SHROOM1: variants seen among roughly 807,000 people sequenced by gnomAD.
The protein encoded by SHROOM1 is shroom family member 1.
SHROOM1 carries 53 observed loss-of-function variants against 64.2 expected under a neutral mutation model. The observed-to-expected ratio is 0.83, with a 90% CI of 0.66 to 1.04. The LOEUF (loss-of-function observed/expected upper bound fraction) is 1.04, where lower values mean the gene tolerates loss of function less well. Among genes scored for constraint, SHROOM1 ranks in the 50% least tolerant of loss-of-function variants. The pLI, the probability that SHROOM1 is intolerant of heterozygous loss-of-function variation, is 0.00. For missense variants in SHROOM1, 1,179 were observed against 1,163.2 expected (o/e 1.01, Z -0.20); for synonymous variants, 490 against 518.9 (o/e 0.94, Z 0.76).
At position 132,827,509 on chromosome 5, in the gene SHROOM1, G is replaced by C. The variant is rs1040073779; in HGVS notation, c.-402C>G. The C allele has an allele frequency of 6.6e-6, 1 of 152,392 alleles. No homozygotes were observed. The allele number at this position is 152,392 out of a possible 1,614,324, so 9.4% of individuals were successfully genotyped here. On this transcript the variant is annotated 5_prime_UTR_variant, in exon 2 of 10. Transcript: ENST00000378679. ...CACACGCCTGTAGTCCCAGCTACTC[G>C]GGAGGCTGAGGCAGAAGAATCGCTT...
In SHROOM1 at chr5:132,822,628, G is replaced by T. The variant is rs1018905653; in HGVS notation, c.*168C>A. 1.5e-5 allele frequency: 11 copies of T among 723,590 alleles called. No individual in the cohort carries two copies. The highest frequency in any genetic ancestry group is 1.4e-4 in the African/African-American group (8 of 55,300). 44.8% of individuals were successfully genotyped at this position (723,590 alleles called of 1,614,324 possible). ...TCCGCCCGCCTCGGCCTCCCAAAGTGCTGGGATTACAGGCGTGAGCCACCG... is the reference window on the plus strand; with the variant it reads ...TCCGCCCGCCTCGGCCTCCCAAAGTTCTGGGATTACAGGCGTGAGCCACCG... On this transcript the variant is annotated 3_prime_UTR_variant, in exon 10 of 10. Coordinates refer to ENST00000378679, the MANE Select transcript of SHROOM1 (RefSeq NM_001172700.2).
In SHROOM1 at chr5:132,825,755, G is replaced by A; in HGVS notation, c.386C>T (p.Ala129Val). Residue 129 changes from alanine (A) to valine (V), a missense_variant, in exon 4 of 10, where the codon GCC (alanine) becomes GTC (valine). By Grantham distance (64) the Ala-to-Val change is moderately conservative (BLOSUM62 0). Coordinates refer to ENST00000378679, the MANE Select transcript of SHROOM1 (RefSeq NM_001172700.2). This position sits in a 1 kb window ranked among gnomAD's most constrained non-coding sequence, Gnocchi z 5.1. ...CGAGGCCGGCGGGCTGGGCGGCTCGGCAGCCTGCGCCGCGGCCTCCGCCTC... is the reference window on the plus strand; with the variant it reads ...CGAGGCCGGCGGGCTGGGCGGCTCGACAGCCTGCGCCGCGGCCTCCGCCTC... ...AAEAEAAAQAAEPPSPPASRA... is the reference protein window; with the variant it reads ...AAEAEAAAQAVEPPSPPASRA... The A allele has an allele frequency of 8.0e-7, 1 of 1,246,618 alleles. No homozygotes were observed. The highest frequency in any genetic ancestry group is 1.0e-6 in the Non-Finnish European group (1 of 999,546). 77.2% of individuals were successfully genotyped at this position (1,246,618 alleles called of 1,614,324 possible).
chr5:132,825,835 C>A lies in SHROOM1; in HGVS notation c.306G>T (p.Gly102=). The A allele has an allele frequency of 7.9e-7, 1 of 1,267,356 alleles. No individual in the cohort carries two copies. Among genetic ancestry groups the A allele is most frequent in the South Asian group, 3.0e-5 (1 of 32,954 alleles). The allele number at this position is 1,267,356 out of a possible 1,614,324, so 78.5% of individuals were successfully genotyped here. The part of the protein sequence containing the change: ...RSGPQPTEVP[G]TPGPLNRQAT... ...CCTGCCTGTTCAGTGGTCCCGGGGTCCCCGGGACCTCTGTTGGCTGCGGCC... is the reference window on the plus strand; with the variant it reads ...CCTGCCTGTTCAGTGGTCCCGGGGTACCCGGGACCTCTGTTGGCTGCGGCC... Residue 102 remains glycine (G), a synonymous_variant, in exon 4 of 10, where the codon GGG becomes GGT. Transcript: ENST00000378679. The surrounding 1 kb of genome is among the most constrained non-coding windows in gnomAD (Gnocchi z 5.1).
At position 132,823,213 on chromosome 5, in the gene SHROOM1, CA is replaced by C; in HGVS notation, c.2226+36del. The C allele has an allele frequency of 6.4e-7, 1 of 1,567,386 alleles. No homozygotes were observed. Among genetic ancestry groups the C allele is most frequent in the Non-Finnish European group, 8.6e-7 (1 of 1,163,910 alleles). On this transcript the variant is annotated intron_variant, in intron 9 of 9. Transcript: ENST00000378679. The surrounding 1 kb of genome is among the most constrained non-coding windows in gnomAD (Gnocchi z 4.6). ...TTCCAGCCGGAGACAGCAGGCCCCTCACCGCCCTACTCGCTTGCAACCTGAA... is the reference window on the plus strand; with the variant it reads ...TTCCAGCCGGAGACAGCAGGCCCCTCCCGCCCTACTCGCTTGCAACCTGAA...
In SHROOM1 at chr5:132,823,419, A is replaced by G. The variant is rs1381333155; in HGVS notation, c.2057T>C (p.Leu686Pro). ...ACAGGCCTGGCGCACTGCAGCCTCCAGAGCCGCTTGGCGCCTGGCCCACGC... is the reference window on the plus strand; with the variant it reads ...ACAGGCCTGGCGCACTGCAGCCTCCGGAGCCGCTTGGCGCCTGGCCCACGC... Reference protein sequence around the residue: ...AQAWARRQAALEAAVRQACAP... With the variant: ...AQAWARRQAAPEAAVRQACAP... Residue 686 changes from leucine (L) to proline (P), a missense_variant, in exon 9 of 10, where the codon CTG becomes CCG. Coordinates refer to ENST00000378679, the MANE Select transcript of SHROOM1 (RefSeq NM_001172700.2). This position sits in a 1 kb window ranked among gnomAD's most constrained non-coding sequence, Gnocchi z 4.6. The G allele has an allele frequency of 6.2e-7, 1 of 1,611,530 alleles. No homozygotes were observed. Among genetic ancestry groups the G allele is most frequent in the Non-Finnish European group, 8.5e-7 (1 of 1,179,802 alleles).
rs772041970 is a variant in SHROOM1 at position 132,823,422 on chromosome 5, G to T, written c.2054C>A (p.Ala685Asp). The T allele has an allele frequency of 1.2e-6, 2 of 1,611,604 alleles. No homozygotes were observed. Among genetic ancestry groups the T allele is most frequent in the African/African-American group, 2.7e-5 (2 of 75,062 alleles). Residue 685 changes from alanine (A) to aspartate (D), a missense_variant, in exon 9 of 10, where the codon GCT becomes GAT. Transcript: ENST00000378679. The surrounding 1 kb of genome is among the most constrained non-coding windows in gnomAD (Gnocchi z 4.6). ...EAQAWARRQA[A>D]LEAAVRQACA... ...GGCCTGGCGCACTGCAGCCTCCAGAGCCGCTTGGCGCCTGGCCCACGCTTG... is the reference window on the plus strand; with the variant it reads ...GGCCTGGCGCACTGCAGCCTCCAGATCCGCTTGGCGCCTGGCCCACGCTTG...
Position 132,824,316 on chromosome 5 carries a change from C to T in SHROOM1, c.1345G>A (p.Gly449Arg). 1 of 1,613,036 alleles carries T rather than the reference C, an allele frequency of 6.2e-7. No homozygotes were observed. The highest frequency in any genetic ancestry group is 8.5e-7 in the Non-Finnish European group (1 of 1,179,468). ...ACCCCCTGCCAGCAGTCATCTGCCCCTGCAGTTCCTGGACACTCATGGAGC... is the reference window on the plus strand; with the variant it reads ...ACCCCCTGCCAGCAGTCATCTGCCCTTGCAGTTCCTGGACACTCATGGAGC... ...YPLHECPGTA[G>R]ADDCWQGVNG... The change falls in exon 7 of 10, where the codon GGG becomes AGG. Residue 449 changes from glycine to arginine, a missense_variant. Gly to Arg is a moderately radical substitution (Grantham distance 125). Transcript: ENST00000378679.
At position 132,825,582 on chromosome 5, in the gene SHROOM1, CG is replaced by C. The variant is rs1331209582; in HGVS notation, c.558del (p.Ala187ProfsTer99). The C allele has an allele frequency of 2.4e-5, 33 of 1,399,106 alleles. No homozygotes were observed. Among genetic ancestry groups the C allele is most frequent in the Non-Finnish European group, 2.5e-5 (27 of 1,084,950 alleles). The allele number at this position is 1,399,106 out of a possible 1,614,324, so 86.7% of individuals were successfully genotyped here. On this transcript the variant is annotated frameshift_variant, in exon 4 of 10. Transcript: ENST00000378679. LOFTEE classifies it high-confidence loss of function. This position sits in a 1 kb window ranked among gnomAD's most constrained non-coding sequence, Gnocchi z 5.1. Reference protein sequence around the residue: ...PARPPATHPRSASLSHPGGEG... With the variant: ...PARPPATHPRXASLSHPGGEG... ...TCCCCGCCCGGGTGGCTGAGCGAGG[CG>C]GAGCGCGGGTGAGTCGCCGGGGGCC...
At position 132,822,270 on chromosome 5, in the gene SHROOM1, A is replaced by T. The variant is rs1758465688; in HGVS notation, c.*526T>A. 6.7e-6 allele frequency: 1 copy of T among 149,976 alleles called. No homozygotes were observed. The highest frequency in any genetic ancestry group is 1.5e-5 in the Non-Finnish European group (1 of 67,584). The allele number at this position is 149,976 out of a possible 1,614,324, so 9.3% of individuals were successfully genotyped here. A position where few individuals can be genotyped will look rare whatever the true frequency, so the allele number is the denominator to read the frequency against. ...TCATCACAAAATGGGGGAATACTGC[A>T]GTTTTTAAGATCCATAAATTAATTA... On this transcript the variant is annotated 3_prime_UTR_variant, in exon 10 of 10. Coordinates refer to ENST00000378679, the MANE Select transcript of SHROOM1 (RefSeq NM_001172700.2).
Position 132,822,734 on chromosome 5 carries a change from G to A in SHROOM1, c.*62C>T. Reference sequence around the variant, plus strand: ...CAAGGGAAAAGCAGAGACTAAATCAGCATCACCCCACTTACGTGGGTGAGA... The same window carrying A: ...CAAGGGAAAAGCAGAGACTAAATCAACATCACCCCACTTACGTGGGTGAGA... On this transcript the variant is annotated 3_prime_UTR_variant, in exon 10 of 10. Coordinates refer to ENST00000378679, the MANE Select transcript of SHROOM1 (RefSeq NM_001172700.2). 1 of 1,475,278 alleles carries A rather than the reference G, an allele frequency of 6.8e-7. No individual in the cohort carries two copies. The highest frequency in any genetic ancestry group is 9.1e-7 in the Non-Finnish European group (1 of 1,101,386). 91.4% of individuals were successfully genotyped at this position (1,475,278 alleles called of 1,614,324 possible). A position where few individuals can be genotyped will look rare whatever the true frequency, so the allele number is the denominator to read the frequency against.
chr5:132,824,002 A>C lies in SHROOM1; in HGVS notation c.1659T>G (p.Asp553Glu). The C allele has an allele frequency of 1.9e-6, 3 of 1,606,668 alleles. No homozygotes were observed. The highest frequency in any genetic ancestry group is 2.6e-6 in the Non-Finnish European group (3 of 1,176,268). ...AAGCAAGAGGGTCACATAGAGAGGG[A>C]TCTAATCTGGCCAGCTCCTGAACCA... ...EELVQELARLDPSLCDPLASQ... is the reference protein window; with the variant it reads ...EELVQELARLEPSLCDPLASQ... The change falls in exon 7 of 10, where the codon GAT (aspartate) becomes GAG (glutamate). Residue 553 changes from aspartate (D) to glutamate (E), a missense_variant. By Grantham distance (45) the Asp-to-Glu change is conservative. Transcript: ENST00000378679.
chr5:132,824,652 G>A lies in SHROOM1; in HGVS notation c.1204C>T (p.Pro402Ser), dbSNP rs1758596086. ...EEAPLVRMRS[P>S]PDPHASQGPP... The stretch of plus-strand genomic sequence containing the variant: ...CCCTGGGAGGCATGGGGGTCTGGTG[G>A]TGATCTCATTCTGACCAGTGGGGCC... The change falls in exon 6 of 10, where the codon CCA becomes TCA. Residue 402 changes from proline (P) to serine (S), a missense_variant. Coordinates refer to ENST00000378679, the MANE Select transcript of SHROOM1 (RefSeq NM_001172700.2). 6.2e-7 allele frequency: 1 copy of A among 1,613,076 alleles called. No individual in the cohort carries two copies. Among genetic ancestry groups the A allele is most frequent in the African/African-American group, 1.3e-5 (1 of 74,910 alleles).
chr5:132,829,729 G>C (rs1300356006), intron 1 of SHROOM1: 1 of 985,330 alleles, frequency 1.0e-6, no homozygotes, highest in African/African-American at 1.7e-5. Context: ...CTGAGTTCCT[G>C]GGTACTGGAC....
At position 132,823,352 on chromosome 5, in the gene SHROOM1, G is replaced by C. The variant is rs200777648; in HGVS notation, c.2124C>G (p.Asp708Glu). The C allele has an allele frequency of 7.5e-6, 12 of 1,607,182 alleles. No homozygotes were observed. The highest frequency in any genetic ancestry group is 1.3e-5 in the African/African-American group (1 of 74,944). ...ELERFSRFMA[D>E]LERVLGLLLL... ...GCAGAAGGCCAAGCACGCGCTCTAG[G>C]TCGGCCATGAACCGGCTGAACCGCT... Residue 708 changes from aspartate to glutamate, a missense_variant, in exon 9 of 10, where the codon GAC becomes GAG. Transcript: ENST00000378679. The surrounding 1 kb of genome is among the most constrained non-coding windows in gnomAD (Gnocchi z 4.6).
chr5:132,825,165 G>A lies in SHROOM1; in HGVS notation c.976C>T (p.Gln326Ter), dbSNP rs1425941474. 3.7e-6 allele frequency: 6 copies of A among 1,614,132 alleles called. No individual in the cohort carries two copies. In the African/African-American group the frequency reaches 5.3e-5, roughly 14 times the overall value. ...CCTGCATCTCCTGACTTCCATACCT[G>A]GACAATGGGTATGGTCCCTCCTGAT... Reference protein sequence around the residue: ...GGSGGTIPIVQAVPQGAETPR... With the variant: ...GGSGGTIPIV The change falls in exon 4 of 10, where the codon CAG becomes TAG. Residue 326 changes from glutamine to a stop codon, truncating the protein, a stop_gained and splice_region_variant. Transcript: ENST00000378679. LOFTEE classifies it high-confidence loss of function. The surrounding 1 kb of genome is among the most constrained non-coding windows in gnomAD (Gnocchi z 5.1).
rs1758805829 is a variant in SHROOM1 at position 132,830,222 on chromosome 5, G to C, written c.-501+372C>G. The C allele has an allele frequency of 1.0e-6, 1 of 985,236 alleles. No homozygotes were observed. Among genetic ancestry groups the C allele is most frequent in the African/African-American group, 1.7e-5 (1 of 57,222 alleles). The allele number at this position is 985,236 out of a possible 1,614,324, so 61.0% of individuals were successfully genotyped here. The stretch of plus-strand genomic sequence containing the variant: ...CAGGGGACAGCGCGAGCCCGGGAGG[G>C]AAGGACCCGGCTTCTCCAGATGCTT... On this transcript the variant is annotated intron_variant, in intron 1 of 9. Coordinates refer to ENST00000378679, the MANE Select transcript of SHROOM1 (RefSeq NM_001172700.2). The surrounding 1 kb of genome is among the most constrained non-coding windows in gnomAD (Gnocchi z 5.9).
At position 132,830,081 on chromosome 5, in the gene SHROOM1, C is replaced by A; in HGVS notation, c.-501+513G>T. On this transcript the variant is annotated intron_variant, in intron 1 of 9. Transcript: ENST00000378679. This position sits in a 1 kb window ranked among gnomAD's most constrained non-coding sequence, Gnocchi z 5.9. ...GCACGGGAGGGAGAGAGGCGCAGGC[C>A]CCGGCGGCCGCAGGGGGCGGCAGAG... The A allele has an allele frequency of 3.0e-6, 3 of 985,324 alleles. No individual in the cohort carries two copies. Among genetic ancestry groups the A allele is most frequent in the Non-Finnish European group, 3.6e-6 (3 of 829,896 alleles). The allele number at this position is 985,324 out of a possible 1,614,324, so 61.0% of individuals were successfully genotyped here.
In SHROOM1 at chr5:132,824,397, A is replaced by G; in HGVS notation, c.1264T>C (p.Tyr422His). ...GTTCTTTGGCCTAAGCCAGTTCCAT[A>G]CGGCTGGTCAGAGGCATGGACACTG... ...PASVHASDQPYGTGLGQRTGQ... is the reference protein window; with the variant it reads ...PASVHASDQPHGTGLGQRTGQ... Residue 422 changes from tyrosine to histidine, a missense_variant, in exon 7 of 10, where the codon TAT becomes CAT. Tyr to His is a moderately conservative substitution (Grantham distance 83). Coordinates refer to ENST00000378679, the MANE Select transcript of SHROOM1 (RefSeq NM_001172700.2). 2 of 1,554,896 alleles carry G rather than the reference A, an allele frequency of 1.3e-6. No individual in the cohort carries two copies. Among genetic ancestry groups the G allele is most frequent in the Non-Finnish European group, 8.7e-7 (1 of 1,151,724 alleles).
intron 6 of SHROOM1, 65 bp downstream of exon 6, chr5:132,824,550 C>A: frequency 6.5e-7 from 1 of 1,550,142 alleles, no homozygotes; most frequent in Non-Finnish European, 8.8e-7. Flanking sequence ...TCCCACCCCT[C>A]TAGCGTTTTG....
Sources: allele counts gnomAD v4.1 joint callset, GRCh38; gene constraint gnomAD v4.1.1; non-coding constraint Gnocchi (gnomAD v3.1); transcripts MANE v1.5; gene names NCBI Gene and HGNC (gene_info 2026-07-23, HGNC 2026-07-21).